GOLGA4: variants seen among roughly 807,000 people sequenced by gnomAD.
GOLGA4 encodes the protein golgin subfamily A member 4.
GOLGA4 carries 169 observed loss-of-function variants against 265.9 expected under a neutral mutation model. The observed-to-expected ratio is 0.64, with a 90% CI of 0.56 to 0.72. The LOEUF (loss-of-function observed/expected upper bound fraction) is 0.72. Ranked by LOEUF, GOLGA4 falls within the 30% of genes least tolerant of loss-of-function variation. The pLI is 0.00. For missense variants in GOLGA4, 2,482 were observed against 2,483.4 expected (o/e 1.00, Z 0.01); for synonymous variants, 923 against 855.8 (o/e 1.08, Z -1.37).
At chr3:37,292,165 G>A (rs2096866389) in intron 5 of GOLGA4, among the ~76,000 whole-genome samples, 1 of 151,998 alleles carries the variant, frequency 6.6e-6, no homozygotes, top group Non-Finnish European at 1.5e-5. Flanking sequence ...GTGTTTTTTG[G>A]TTTGTTTTTT....
At chr3:37,355,216 A>T (rs1474245754) in intron 22 of GOLGA4, 29 bp downstream of exon 22, 1 of 1,123,732 alleles carries the variant, frequency 8.9e-7, no homozygotes, top group South Asian at 1.2e-5. Flanking sequence ...CTCTAGATAG[A>T]AGATGATTTC....
At chr3:37,255,409 C>G (rs570370917) in intron 2 of GOLGA4, among the ~76,000 whole-genome samples, 1 of 151,662 alleles carries the variant, frequency 6.6e-6, no homozygotes, top group Admixed American at 6.6e-5. Flanking sequence ...GTGATCCATC[C>G]GCCTCGGCCT....
chr3:37,258,199 G>GCT (rs1471375316), intron 2 of GOLGA4, among the ~76,000 whole-genome samples: 84 of 142,778 alleles, frequency 5.9e-4, no homozygotes, highest in South Asian at 4.4e-3. Context: ...GTATATGTAT[G>GCT]ATATATATAG....
intron 20 of GOLGA4, among the ~76,000 whole-genome samples, chr3:37,343,865 C>CA (rs139100854): frequency 6.6e-6 from 1 of 152,332 alleles, no homozygotes; most frequent in African/African-American, 2.4e-5. Flanking sequence ...TAAGATCTGT[C>CA]ACCCAGTTCC....
intron 21 of GOLGA4, among the ~76,000 whole-genome samples, chr3:37,353,762 A>T (rs1008669124): frequency 1.3e-4 from 20 of 151,960 alleles, no homozygotes; most frequent in Non-Finnish European, 2.2e-4. Context: ...GCTAATTTTT[A>T]AAATTTTTTG....
chr3:37,249,721 A>T (rs2096728852), intron 1 of GOLGA4: 2 of 152,312 alleles, frequency 1.3e-5, no homozygotes, highest in South Asian at 2.1e-4. Context: ...TCTTGGTTGT[A>T]AGCAACAAAA....
At chr3:37,293,217 G>A (rs890551307) in intron 5 of GOLGA4, among the ~76,000 whole-genome samples, 2 of 152,186 alleles carry the variant, frequency 1.3e-5, no homozygotes, top group African/African-American at 4.8e-5. Flanking sequence ...CCTGCAGCCC[G>A]TGGCCTGCAT....
intron 20 of GOLGA4, among the ~76,000 whole-genome samples, chr3:37,342,362 A>T (rs1346321139): frequency 1.3e-5 from 2 of 151,992 alleles, no homozygotes; most frequent in African/African-American, 4.8e-5. Flanking sequence ...ATAAAGAGTA[A>T]ATTGAGCACC....
rs371970757 is a variant in GOLGA4 at position 37,324,137 on chromosome 3, G to A, written c.2251G>A (p.Glu751Lys). The A allele has an allele frequency of 2.5e-6, 4 of 1,614,062 alleles. No individual in the cohort carries two copies. The highest frequency in any genetic ancestry group is 4.5e-5 in the East Asian group (2 of 44,878). ...KEHEVSIQRT[E>K]KALKDQINQL... ...ACACGAGGTATCTATCCAGAGGACT[G>A]AGAAGGCATTAAAAGATCAAATTAA... is the stretch of plus-strand genomic sequence containing the variant. Residue 751 changes from glutamate (E) to lysine (K), a missense_variant, in exon 14 of 24, where the codon GAG (glutamate) becomes AAG (lysine). Physicochemically the swap from Glu to Lys is moderately conservative, Grantham distance 56. Transcript: ENST00000361924.
At position 37,251,273 on chromosome 3, in the gene GOLGA4, T is replaced by G; in HGVS notation, c.73-122T>G. The G allele has an allele frequency of 8.1e-6, 5 of 615,474 alleles. 1 individual carries two copies. Among genetic ancestry groups the G allele is most frequent in the Middle Eastern group, 2.7e-4 (1 of 3,640 alleles). 38.1% of individuals were successfully genotyped at this position (615,474 alleles called of 1,614,324 possible). A position where few individuals can be genotyped will look rare whatever the true frequency, so the allele number is the denominator to read the frequency against. ...TTGTTATCCTTTTCTGCTTTTCGTGTTTTTGCTCTTTTCCTTTCTTTCACT... is the reference window on the plus strand; with the variant it reads ...TTGTTATCCTTTTCTGCTTTTCGTGGTTTTGCTCTTTTCCTTTCTTTCACT... On this transcript the variant is annotated intron_variant, in intron 1 of 23. Coordinates refer to ENST00000361924, the MANE Select transcript of GOLGA4 (RefSeq NM_002078.5).
chr3:37,329,567 G>A (rs1462483774), intron 16 of GOLGA4, among the ~76,000 whole-genome samples: 1 of 152,138 alleles, frequency 6.6e-6, no homozygotes, highest in Non-Finnish European at 1.5e-5. Context: ...GAGGTTGATT[G>A]GTCTCAAGAG....
At chr3:37,310,802 C>A (rs954763122) in intron 10 of GOLGA4, among the ~76,000 whole-genome samples, 5 of 151,508 alleles carry the variant, frequency 3.3e-5, no homozygotes, top group Non-Finnish European at 5.9e-5. Flanking sequence ...ACAGTGTGTT[C>A]TTGCAACATT....
chr3:37,265,742 TC>T (rs974389341), intron 2 of GOLGA4, among the ~76,000 whole-genome samples: 5 of 152,148 alleles, frequency 3.3e-5, no homozygotes, highest in African/African-American at 1.2e-4. Context: ...GATCTACTTT[TC>T]TAGAAAATTT....
intron 11 of GOLGA4, among the ~76,000 whole-genome samples, chr3:37,318,045 C>T (rs764478681): frequency 1.3e-5 from 2 of 151,264 alleles, no homozygotes; most frequent in Non-Finnish European, 2.9e-5. Context: ...TTTCTTCTGG[C>T]ACTTTTATGG....
At chr3:37,357,128 T>C (rs2097092921) in intron 22 of GOLGA4, among the ~76,000 whole-genome samples, 1 of 152,172 alleles carries the variant, frequency 6.6e-6, no homozygotes, top group South Asian at 2.1e-4. Flanking sequence ...AAAAACAGAC[T>C]GTTTTCTTCC....
intron 2 of GOLGA4, among the ~76,000 whole-genome samples, chr3:37,260,183 G>A (rs1317890788): frequency 6.8e-6 from 1 of 146,114 alleles, no homozygotes; most frequent in African/African-American, 2.5e-5. Context: ...AAGCAAAAAA[G>A]TCTCATAATG....
In GOLGA4 at chr3:37,327,008, G is replaced by A; in HGVS notation, c.5122G>A (p.Val1708Ile). ...VESSQSETLI[V>I]PRSAKNVAAY... ...AAGTTCACAGTCAGAAACATTAATTGTACCCAGATCAGCAAAAAATGTGGC... is the reference window on the plus strand; with the variant it reads ...AAGTTCACAGTCAGAAACATTAATTATACCCAGATCAGCAAAAAATGTGGC... Residue 1708 changes from valine (V) to isoleucine (I), a missense_variant, in exon 14 of 24, where the codon GTA (valine) becomes ATA (isoleucine). Val to Ile is a conservative substitution (Grantham distance 29). Coordinates refer to ENST00000361924, the MANE Select transcript of GOLGA4 (RefSeq NM_002078.5). 1 of 1,613,854 alleles carries A rather than the reference G, an allele frequency of 6.2e-7. No homozygotes were observed. Among genetic ancestry groups the A allele is most frequent in the African/African-American group, 1.3e-5 (1 of 75,028 alleles).
intron 19 of GOLGA4, 146 bp downstream of exon 19, chr3:37,337,880 G>A (rs2097019755): frequency 1.7e-6 from 1 of 583,180 alleles, no homozygotes. Flanking sequence ...GGTACTAGAG[G>A]TTTTCTCTCT....
intron 2 of GOLGA4, among the ~76,000 whole-genome samples, chr3:37,277,658 C>CTA (rs1253973986): frequency 3.3e-5 from 5 of 152,120 alleles, no homozygotes; most frequent in African/African-American, 1.2e-4. Flanking sequence ...AATATATGGG[C>CTA]TATAGCAAGT....
Sources: gnomAD v4.1 joint callset for allele counts (sites outside exome capture counted in the v4.1 genomes callset) on GRCh38, gnomAD v4.1.1 for gene constraint, MANE v1.5 for transcripts, NCBI Gene and HGNC (gene_info 2026-07-23, HGNC 2026-07-21) for gene names.